Variants in RAB28 observed in about 807,000 individuals in gnomAD.
RAB28 encodes RAB28, member RAS oncogene family.
Under a neutral mutation model 31.7 loss-of-function variants are expected in RAB28, and 24 were observed. That is an observed-to-expected ratio of 0.76 (90% confidence interval 0.55 to 1.06). The LOEUF (loss-of-function observed/expected upper bound fraction) is 1.06. Among genes scored for constraint, RAB28 ranks in the 50% least tolerant of loss-of-function variants. RAB28 has a pLI of 0.00. For missense variants in RAB28, 254 were observed against 258.5 expected, an observed-to-expected ratio of 0.98 and a Z score of 0.12; for synonymous variants, 100 against 90.4, an observed-to-expected ratio of 1.11 and a Z score of -0.60.
At position 13,380,175 on chromosome 4, in the gene RAB28, T is replaced by C. The variant is rs1431308057; in HGVS notation, c.495+1316A>G. Among the ~76,000 whole-genome samples, 7 of 152,274 alleles carry C rather than the reference T, an allele frequency of 4.6e-5. No homozygotes were observed. In the South Asian group the frequency reaches 6.2e-4, roughly 14 times the overall value. On this transcript the variant is annotated intron_variant, in intron 5 of 6. Coordinates refer to ENST00000330852, the MANE Select transcript of RAB28 (RefSeq NM_001017979.3). The stretch of plus-strand genomic sequence containing the variant: ...GGGTGAGTATGTGCCCATGTTCACA[T>C]TGTCTGAGGGGAAAGGATTCCAGGA...
intron 4 of RAB28, among the ~76,000 whole-genome samples, chr4:13,424,164 G>A (rs1329482246): frequency 6.6e-6 from 1 of 152,150 alleles, no homozygotes. Context: ...CTCATTTTCA[G>A]TTCAAGACTA....
intron 4 of RAB28, among the ~76,000 whole-genome samples, chr4:13,392,988 T>C (rs1350920803): frequency 6.6e-6 from 1 of 152,218 alleles, no homozygotes; most frequent in Non-Finnish European, 1.5e-5. Flanking sequence ...ATATTGTATG[T>C]GCCTGGCATA....
chr4:13,394,542 G>A (rs1729787862), intron 4 of RAB28, among the ~76,000 whole-genome samples: 1 of 152,044 alleles, frequency 6.6e-6, no homozygotes, highest in Non-Finnish European at 1.5e-5. Flanking sequence ...CCCAGGGGTT[G>A]GGAACCCCTG....
intron 4 of RAB28, among the ~76,000 whole-genome samples, chr4:13,436,622 T>C (rs1316933315): frequency 6.6e-6 from 1 of 151,988 alleles, no homozygotes; most frequent in African/African-American, 2.4e-5. Flanking sequence ...AAAAATAAAA[T>C]AAAATACCTG....
intron 4 of RAB28, among the ~76,000 whole-genome samples, chr4:13,419,179 C>G (rs188252076): frequency 1.3e-5 from 2 of 152,222 alleles, no homozygotes; most frequent in African/African-American, 4.8e-5. Context: ...GTAAAGGGAT[C>G]AATTCAACAA....
chr4:13,421,948 A>G (rs1713176184), intron 4 of RAB28, among the ~76,000 whole-genome samples: 1 of 152,180 alleles, frequency 6.6e-6, no homozygotes, highest in South Asian at 2.1e-4. Context: ...AGAAACTACC[A>G]TCAGAGTGAA....
rs561205212 is a variant in RAB28, at chr4:13,387,520, T to C, written c.392-5926A>G. Among the ~76,000 whole-genome samples the C allele has an allele frequency of 1.6e-4, 24 of 152,162 alleles. No homozygotes were observed. In the South Asian group the frequency reaches 2.3e-3, roughly 14 times the overall value. On this transcript the variant is annotated intron_variant, in intron 4 of 6. Transcript: ENST00000330852. ...TACAAAAACAAAAATCCATACCTCA[T>C]TGTCAACACATTTTGTTGGAAGATA...
At chr4:13,441,791 T>C (rs1228681524) in intron 4 of RAB28, among the ~76,000 whole-genome samples, 10 of 152,332 alleles carry the variant, frequency 6.6e-5, no homozygotes, top group Middle Eastern at 3.4e-3. Flanking sequence ...TTTCCATTAA[T>C]ACTTAACCTT....
intron 4 of RAB28, among the ~76,000 whole-genome samples, chr4:13,387,737 G>C (rs1348874137): frequency 6.6e-6 from 1 of 151,984 alleles, no homozygotes; most frequent in East Asian, 1.9e-4. Flanking sequence ...CAACATGATT[G>C]ATTCTTCAAT....
chr4:13,468,062 T>C (rs946512270), intron 3 of RAB28, among the ~76,000 whole-genome samples: 1 of 151,848 alleles, frequency 6.6e-6, no homozygotes, highest in African/African-American at 2.4e-5. Context: ...CAAGAAGACA[T>C]AACAATCCTC....
intron 4 of RAB28, among the ~76,000 whole-genome samples, chr4:13,386,628 A>T (rs1310447891): frequency 6.6e-6 from 1 of 152,176 alleles, no homozygotes; most frequent in East Asian, 1.9e-4. Context: ...GACAAAAGGG[A>T]ATGCTTACAT....
intron 4 of RAB28, among the ~76,000 whole-genome samples, chr4:13,407,400 G>A (rs945018082): frequency 6.6e-6 from 1 of 152,150 alleles, no homozygotes; most frequent in African/African-American, 2.4e-5. Flanking sequence ...CATTGTTTTG[G>A]TTACTGCAGC....
At chr4:13,460,632 G>A (rs1442161654) in intron 4 of RAB28, 67 bp downstream of exon 4, 13 of 1,588,478 alleles carry the variant, frequency 8.2e-6, no homozygotes, top group Admixed American at 5.2e-5. Context: ...GTGGTGGGGG[G>A]ACACAAACAT....
intron 4 of RAB28, among the ~76,000 whole-genome samples, chr4:13,395,624 T>TA (rs1729843798): frequency 6.6e-6 from 1 of 151,444 alleles, no homozygotes; most frequent in African/African-American, 2.4e-5. Context: ...TGACTACTGA[T>TA]AACAAGGGAG....
intron 4 of RAB28, among the ~76,000 whole-genome samples, chr4:13,438,219 T>C (rs1021612245): frequency 6.6e-6 from 1 of 152,220 alleles, no homozygotes; most frequent in Non-Finnish European, 1.5e-5. Flanking sequence ...TATAAGACTA[T>C]AAACCATATT....
chr4:13,454,164 C>A (rs1715161630), intron 4 of RAB28, among the ~76,000 whole-genome samples: 1 of 151,950 alleles, frequency 6.6e-6, no homozygotes, highest in Non-Finnish European at 1.5e-5. Context: ...TAATTAAATT[C>A]TTCAGCTCTA....
At chr4:13,466,601 T>C (rs915528521) in intron 3 of RAB28, among the ~76,000 whole-genome samples, 1 of 151,796 alleles carries the variant, frequency 6.6e-6, no homozygotes, top group Non-Finnish European at 1.5e-5. Flanking sequence ...AGTGAAAATG[T>C]AAATAAGAAT....
intron 4 of RAB28, among the ~76,000 whole-genome samples, chr4:13,394,941 G>A (rs995781177): frequency 6.6e-6 from 1 of 152,228 alleles, no homozygotes; most frequent in Admixed American, 6.5e-5. Flanking sequence ...TTGGCGAATA[G>A]GTAAGCATTA....
At chr4:13,463,982 G>C (rs532190051) in intron 3 of RAB28, among the ~76,000 whole-genome samples, 1 of 152,172 alleles carries the variant, frequency 6.6e-6, no homozygotes, top group East Asian at 1.9e-4. Flanking sequence ...GGACTGATCA[G>C]AAAACTGATA....
Sources: allele counts gnomAD v4.1 joint callset (sites outside exome capture counted in the v4.1 genomes callset), GRCh38; gene constraint gnomAD v4.1.1; transcripts MANE v1.5; gene names NCBI Gene and HGNC (gene_info 2026-07-23, HGNC 2026-07-21).